The following CCSER1 variants were observed in gnomAD, a reference collection of about 807,000 sequenced individuals.
The protein encoded by CCSER1 is serine-rich coiled-coil domain-containing protein 1.
CCSER1 carries 41 observed loss-of-function variants against 82.0 expected under a neutral mutation model. The observed-to-expected ratio is 0.50, with a 90% CI of 0.39 to 0.65. The LOEUF (loss-of-function observed/expected upper bound fraction) is 0.65. Ranked by LOEUF, CCSER1 falls within the 30% of genes least tolerant of loss-of-function variation. The probability of loss-of-function intolerance (pLI) is 0.00; values close to 1 mark genes in which losing one functional copy is unlikely to be tolerated. For missense variants in CCSER1, 1,119 were observed against 1,064.2 expected (o/e 1.05, Z -0.72); for synonymous variants, 414 against 383.9 (o/e 1.08, Z -0.92).
At chr4:90,962,143 T>C (rs1170524131) in intron 9 of CCSER1, among the ~76,000 whole-genome samples, 1 of 152,050 alleles carries the variant, frequency 6.6e-6, no homozygotes, top group African/African-American at 2.4e-5. Flanking sequence ...TACATGTTAA[T>C]AGTGGATCCA....
chr4:90,603,508 T>G (rs1784276979), intron 5 of CCSER1, among the ~76,000 whole-genome samples: 1 of 152,224 alleles, frequency 6.6e-6, no homozygotes, highest in East Asian at 1.9e-4. Flanking sequence ...GTAGGATACC[T>G]CTCAAGCTCT....
chr4:90,143,615 T>C (rs1725240419), intron 1 of CCSER1, among the ~76,000 whole-genome samples: 1 of 152,024 alleles, frequency 6.6e-6, no homozygotes, highest in Admixed American at 6.6e-5. Flanking sequence ...TAACTTTTCT[T>C]TTTTCTTTTT....
At chr4:90,760,086 C>T (rs953253750) in intron 7 of CCSER1, among the ~76,000 whole-genome samples, 5 of 151,660 alleles carry the variant, frequency 3.3e-5, no homozygotes, top group Non-Finnish European at 5.9e-5. Flanking sequence ...CAAGTTAAAA[C>T]AGTCTTGTAA....
rs150062998 is a variant in CCSER1, at chr4:90,913,005, C to T, written c.2095-10365C>T. On this transcript the variant is annotated intron_variant, in intron 8 of 10. Coordinates refer to ENST00000509176, the MANE Select transcript of CCSER1 (RefSeq NM_001145065.2). ...GGACTATGTGAAAAGACCAAATCTG[C>T]GTCTGATTGGTGTACCTGAAAGTGA... is the stretch of plus-strand genomic sequence containing the variant. Among the ~76,000 whole-genome samples, 376 of 152,254 alleles carry T rather than the reference C, an allele frequency of 2.5e-3. 1 individual carries two copies. Among genetic ancestry groups the T allele is most frequent in the East Asian group, 9.1e-3 (47 of 5,168 alleles).
chr4:91,549,778 T>G (rs776005797), intron 10 of CCSER1, among the ~76,000 whole-genome samples: 1 of 152,116 alleles, frequency 6.6e-6, no homozygotes, highest in Non-Finnish European at 1.5e-5. Context: ...GAGGTTGCAG[T>G]GAGCCAAGAT....
chr4:90,802,461 T>TA (rs1756958377), intron 7 of CCSER1, among the ~76,000 whole-genome samples: 1 of 151,700 alleles, frequency 6.6e-6, no homozygotes. Flanking sequence ...AAAGTACACT[T>TA]ACTGTAAATC....
chr4:90,666,795 A>C (rs914188499), intron 6 of CCSER1, among the ~76,000 whole-genome samples: 2 of 152,184 alleles, frequency 1.3e-5, no homozygotes, highest in Non-Finnish European at 2.9e-5. Flanking sequence ...ATTTTCCAAG[A>C]GTAAAGTAGA....
chr4:91,524,390 CA>C lies in CCSER1; in HGVS notation c.2218-74181del, dbSNP rs1760666150. Reference sequence around the variant, plus strand: ...CAGTTCTTTTGAATAAAAAGGAAAGCAGATTTTTCAGTTCAGAAGGATAAAG... The same window carrying C: ...CAGTTCTTTTGAATAAAAAGGAAAGCGATTTTTCAGTTCAGAAGGATAAAG... On this transcript the variant is annotated intron_variant, in intron 10 of 10. Transcript: ENST00000509176. Among the ~76,000 whole-genome samples the C allele has an allele frequency of 2.0e-5, 3 of 152,056 alleles. 1 individual carries two copies. The South Asian group carries it at 6.2e-4, about 31-fold the overall frequency.
chr4:91,085,639 T>C (rs1723305754), intron 9 of CCSER1, among the ~76,000 whole-genome samples: 1 of 152,120 alleles, frequency 6.6e-6, no homozygotes, highest in Admixed American at 6.6e-5. Context: ...ATACTGTACA[T>C]ACTAGTTCAA....
chr4:90,691,156 C>T (rs1254223487), intron 6 of CCSER1, among the ~76,000 whole-genome samples: 2 of 151,872 alleles, frequency 1.3e-5, no homozygotes, highest in African/African-American at 4.8e-5. Context: ...AGTGGCCTTA[C>T]CTCAAGTTTA....
At chr4:90,490,658 T>C (rs1380605676) in intron 5 of CCSER1, among the ~76,000 whole-genome samples, 3 of 152,206 alleles carry the variant, frequency 2.0e-5, no homozygotes, top group African/African-American at 7.2e-5. Context: ...GTTTTATGTC[T>C]AACATGTAAG....
intron 8 of CCSER1, among the ~76,000 whole-genome samples, chr4:90,896,747 C>T (rs1247034820): frequency 6.6e-6 from 1 of 151,808 alleles, no homozygotes; most frequent in Non-Finnish European, 1.5e-5. Flanking sequence ...TATTTTGGGA[C>T]ACAATTTAAC....
chr4:91,312,056 A>G (rs968547257), intron 10 of CCSER1, among the ~76,000 whole-genome samples: 1 of 151,852 alleles, frequency 6.6e-6, no homozygotes, highest in Non-Finnish European at 1.5e-5. Context: ...AAACATGTGA[A>G]AACTTCCAAG....
chr4:90,832,355 A>AT (rs1761230282), intron 8 of CCSER1, among the ~76,000 whole-genome samples: 1 of 152,058 alleles, frequency 6.6e-6, no homozygotes, highest in African/African-American at 2.4e-5. Context: ...ATCTGAAAAT[A>AT]TTTTTCTGAG....
At chr4:90,596,472 T>C (rs925796796) in intron 5 of CCSER1, among the ~76,000 whole-genome samples, 14 of 152,028 alleles carry the variant, frequency 9.2e-5, no homozygotes, top group Middle Eastern at 3.4e-3. Context: ...TTAAGCTTAT[T>C]TCTATATTGA....
In CCSER1 at chr4:91,081,516, C is replaced by T. The variant is rs534718524; in HGVS notation, c.2173-4434C>T. ...GAAAATTGGCACAAAACAGGGATGC[C>T]CTCTCTCACCACTCCTATTCAACAT... On this transcript the variant is annotated intron_variant, in intron 9 of 10. Transcript: ENST00000509176. Among the ~76,000 whole-genome samples the T allele has an allele frequency of 3.4e-4, 52 of 152,212 alleles. 2 individuals carry two copies. The South Asian group carries it at 0.01, about 30-fold the overall frequency.
chr4:90,935,284 A>G lies in CCSER1; in HGVS notation c.2172+11837A>G, dbSNP rs188884557. Among the ~76,000 whole-genome samples, 100 of 152,060 alleles carry G rather than the reference A, an allele frequency of 6.6e-4. 1 individual carries two copies. The highest frequency in any genetic ancestry group is 2.2e-3 in the African/African-American group (92 of 41,466). ...TTAATGCCCACCCTGGGGGTGAGTG[A>G]GTTCTCACTCTATGAGTTCCTGAGA... On this transcript the variant is annotated intron_variant, in intron 9 of 10. Coordinates refer to ENST00000509176, the MANE Select transcript of CCSER1 (RefSeq NM_001145065.2).
intron 8 of CCSER1, among the ~76,000 whole-genome samples, chr4:90,867,671 A>G: frequency 6.6e-6 from 1 of 151,888 alleles, no homozygotes; most frequent in Non-Finnish European, 1.5e-5. Flanking sequence ...CTCATTAACC[A>G]TTACCCTCTT....
At chr4:90,132,098 G>A (rs1722916909) in intron 1 of CCSER1, among the ~76,000 whole-genome samples, 2 of 152,168 alleles carry the variant, frequency 1.3e-5, no homozygotes, top group Admixed American at 1.3e-4. Flanking sequence ...TTTGTTGACA[G>A]TGAATAGATA....
Sources: gnomAD v4.1 joint callset for allele counts (sites outside exome capture counted in the v4.1 genomes callset) on GRCh38, gnomAD v4.1.1 for gene constraint, MANE v1.5 for transcripts, NCBI Gene and HGNC (gene_info 2026-07-23, HGNC 2026-07-21) for gene names.